Variants in KIF16B observed in about 807,000 individuals in gnomAD.
KIF16B encodes kinesin-like protein KIF16B.
KIF16B carries 98 observed loss-of-function variants against 156.3 expected under a neutral mutation model. The observed-to-expected ratio is 0.63, with a 90% CI of 0.53 to 0.74. The LOEUF (loss-of-function observed/expected upper bound fraction) is 0.74, where lower values mean the gene tolerates loss of function less well. Ranked by LOEUF, KIF16B falls within the 30% of genes least tolerant of loss-of-function variation. The probability of loss-of-function intolerance (pLI) is 0.00; values close to 1 mark genes in which losing one functional copy is unlikely to be tolerated. For missense variants in KIF16B, 1,421 were observed against 1,606.5 expected, an observed-to-expected ratio of 0.88 and a Z score of 1.97; for synonymous variants, 564 against 583.7, an observed-to-expected ratio of 0.97 and a Z score of 0.49.
intron 24 of KIF16B, among the ~76,000 whole-genome samples, chr20:16,321,647 TC>T (rs1312074325): frequency 6.6e-6 from 1 of 152,118 alleles, no homozygotes; most frequent in Non-Finnish European, 1.5e-5. Context: ...GAGGAAGGTA[TC>T]TTACTTCCTA....
chr20:16,320,163 C>A (rs750736199), intron 24 of KIF16B, among the ~76,000 whole-genome samples: 1 of 152,068 alleles, frequency 6.6e-6, no homozygotes, highest in Non-Finnish European at 1.5e-5. Context: ...AAAACAAGGG[C>A]ACTACAGGAA....
At chr20:16,429,561 C>T (rs2146436928) in intron 13 of KIF16B, among the ~76,000 whole-genome samples, 1 of 152,262 alleles carries the variant, frequency 6.6e-6, no homozygotes, top group Admixed American at 6.5e-5. Context: ...ATCCCCCCAG[C>T]TGTTTACAAC....
At chr20:16,444,418 G>T (rs1169637674) in intron 12 of KIF16B, among the ~76,000 whole-genome samples, 1 of 152,066 alleles carries the variant, frequency 6.6e-6, no homozygotes, top group Non-Finnish European at 1.5e-5. Flanking sequence ...GATGTGTAAA[G>T]TGTATAAAAT....
chr20:16,327,542 T>C (rs2063877156), intron 24 of KIF16B, among the ~76,000 whole-genome samples: 2 of 152,082 alleles, frequency 1.3e-5, no homozygotes, highest in Admixed American at 1.3e-4. Context: ...ATGGAGGATT[T>C]GCTCCCAATT....
In KIF16B at chr20:16,379,522, TC is replaced by T; in HGVS notation, c.2479del (p.Glu827AsnfsTer10). On this transcript the variant is annotated frameshift_variant, in exon 19 of 26. Transcript: ENST00000354981. LOFTEE classifies it high-confidence loss of function. ...ELEKAQLRFF[E>X]FKRRQLVKLV... ...CTTGACAAGCTGCCTTCTCTTGAAT[TC>T]GAAGAAACGCAGTTGAGCCTTTTCT... 2 of 1,614,208 alleles carry T rather than the reference TC, an allele frequency of 1.2e-6. No homozygotes were observed.
chr20:16,319,958 G>A (rs2063750654), intron 24 of KIF16B, among the ~76,000 whole-genome samples: 2 of 152,126 alleles, frequency 1.3e-5, no homozygotes, highest in Admixed American at 1.3e-4. Context: ...ACCGACCAGG[G>A]CTAAATGAAA....
chr20:16,388,232 C>T (rs1183828602), intron 17 of KIF16B, among the ~76,000 whole-genome samples: 1 of 152,092 alleles, frequency 6.6e-6, no homozygotes, highest in Admixed American at 6.5e-5. Context: ...TTTAGATATG[C>T]AGTGATATGA....
intron 12 of KIF16B, among the ~76,000 whole-genome samples, chr20:16,453,618 T>G (rs1295602671): frequency 6.6e-6 from 1 of 152,054 alleles, no homozygotes; most frequent in African/African-American, 2.4e-5. Context: ...AACGCAATGA[T>G]CAAAAACACA....
At chr20:16,543,252 C>T (rs73244221) in intron 1 of KIF16B, among the ~76,000 whole-genome samples, 2,861 of 152,256 alleles carry the variant, frequency 0.019, 87 homozygotes, top group African/African-American at 0.065. Flanking sequence ...CTGTGAGATG[C>T]TGTTTCACTA....
At chr20:16,547,953 T>C (rs1349648143) in intron 1 of KIF16B, among the ~76,000 whole-genome samples, 1 of 151,810 alleles carries the variant, frequency 6.6e-6, no homozygotes, top group Non-Finnish European at 1.5e-5. Context: ...CCAAACCAAT[T>C]AAATCTGACT....
chr20:16,500,162 G>A (rs1039953366), intron 10 of KIF16B, among the ~76,000 whole-genome samples: 7 of 152,006 alleles, frequency 4.6e-5, no homozygotes, highest in African/African-American at 1.7e-4. Flanking sequence ...TAAATCTAAG[G>A]TCCACTGCTT....
chr20:16,508,173 T>C, intron 6 of KIF16B, 73 bp from the exon 7 acceptor site: 2 of 1,532,234 alleles, frequency 1.3e-6, no homozygotes, highest in Non-Finnish European at 1.8e-6. Context: ...TTACCCTCTA[T>C]GAAATAATAC....
intron 1 of KIF16B, among the ~76,000 whole-genome samples, chr20:16,537,314 T>C (rs1166951116): frequency 6.6e-6 from 1 of 152,114 alleles, no homozygotes; most frequent in African/African-American, 2.4e-5. Context: ...ACCATTCCTC[T>C]AAATTCAGCT....
chr20:16,524,227 G>A (rs1431717468), intron 3 of KIF16B, among the ~76,000 whole-genome samples: 4 of 152,166 alleles, frequency 2.6e-5, no homozygotes, highest in Non-Finnish European at 5.9e-5. Flanking sequence ...TATCATCAGA[G>A]TGAACAGGCA....
At chr20:16,418,905 T>C (rs2066157596) in intron 15 of KIF16B, among the ~76,000 whole-genome samples, 1 of 152,222 alleles carries the variant, frequency 6.6e-6, no homozygotes, top group Non-Finnish European at 1.5e-5. Flanking sequence ...GAGGCTACAC[T>C]TCCCAGCCTG....
At chr20:16,436,025 GATCTTTT>G (rs1164615544) in intron 12 of KIF16B, among the ~76,000 whole-genome samples, 1 of 152,042 alleles carries the variant, frequency 6.6e-6, no homozygotes, top group Non-Finnish European at 1.5e-5. Context: ...TCTATATTGG[GATCTTTT>G]ATCTTTTGCG....
intron 1 of KIF16B, among the ~76,000 whole-genome samples, chr20:16,534,686 G>T (rs894850110): frequency 1.3e-5 from 2 of 152,046 alleles, no homozygotes; most frequent in African/African-American, 2.4e-5. Flanking sequence ...GTTGACTTTT[G>T]TATACAGTGA....
At chr20:16,323,151 T>C (rs942371460) in intron 24 of KIF16B, among the ~76,000 whole-genome samples, 4 of 152,026 alleles carry the variant, frequency 2.6e-5, no homozygotes, top group African/African-American at 9.7e-5. Context: ...TCTGTTGTCA[T>C]TCCTCATTTA....
intron 15 of KIF16B, among the ~76,000 whole-genome samples, chr20:16,418,852 C>T (rs2066155872): frequency 2.0e-5 from 3 of 152,096 alleles, no homozygotes; most frequent in Non-Finnish European, 4.4e-5. Flanking sequence ...ATTCCTGTTC[C>T]CTTTCCCCCT....
Sources: allele counts gnomAD v4.1 joint callset (sites outside exome capture counted in the v4.1 genomes callset), GRCh38; gene constraint gnomAD v4.1.1; transcripts MANE v1.5; gene names NCBI Gene and HGNC (gene_info 2026-07-23, HGNC 2026-07-21).